The following ARL15 variants were observed in gnomAD, a reference collection of about 807,000 sequenced individuals.
ARL15 encodes the protein ADP-ribosylation factor-like protein 15.
In ARL15, 19 loss-of-function variants were observed where a neutral mutation model predicts 25.2. The ratio of observed to expected loss-of-function variants is 0.75; its 90% CI spans 0.53 to 1.10. The LOEUF (loss-of-function observed/expected upper bound fraction) is 1.10, where lower values mean the gene tolerates loss of function less well. Among genes scored for constraint, ARL15 ranks in the 50% least tolerant of loss-of-function variants. The pLI, the probability that ARL15 is intolerant of heterozygous loss-of-function variation, is 0.00. For missense variants in ARL15, 220 were observed against 246.0 expected (o/e 0.89, Z 0.71); for synonymous variants, 94 against 86.8 (o/e 1.08, Z -0.46).
intron 1 of ARL15, among the ~76,000 whole-genome samples, chr5:54,180,974 A>G (rs1223344535): frequency 6.6e-6 from 1 of 152,284 alleles, no homozygotes; most frequent in Non-Finnish European, 1.5e-5. Flanking sequence ...CGTGGCTCCC[A>G]GTCTGCATCA....
chr5:53,890,050 C>A (rs956322841), intron 4 of ARL15, among the ~76,000 whole-genome samples: 1 of 152,106 alleles, frequency 6.6e-6, no homozygotes, highest in African/African-American at 2.4e-5. Flanking sequence ...GACCTCAGGA[C>A]AATCTGCCCA....
At chr5:54,305,487 C>T (rs1758733307) in intron 1 of ARL15, among the ~76,000 whole-genome samples, 1 of 151,986 alleles carries the variant, frequency 6.6e-6, no homozygotes, top group African/African-American at 2.4e-5. Flanking sequence ...AATAAAAAAT[C>T]CCCAACACGG....
intron 3 of ARL15, among the ~76,000 whole-genome samples, chr5:54,134,510 T>C (rs1753535794): frequency 6.6e-6 from 1 of 151,816 alleles, no homozygotes; most frequent in East Asian, 1.9e-4. Context: ...CATTACAGTT[T>C]TATAATTACA....
intron 1 of ARL15, among the ~76,000 whole-genome samples, chr5:54,279,398 G>A (rs1039429901): frequency 6.6e-5 from 10 of 152,120 alleles, no homozygotes; most frequent in African/African-American, 2.4e-4. Context: ...TTTCTGTTGA[G>A]GGATCTCTTC....
intron 1 of ARL15, among the ~76,000 whole-genome samples, chr5:54,272,689 T>C (rs965614807): frequency 6.6e-6 from 1 of 152,236 alleles, no homozygotes; most frequent in African/African-American, 2.4e-5. Context: ...ATGATCCTCA[T>C]GTAGCTAAAC....
At chr5:53,925,997 C>CTT (rs70986651) in intron 4 of ARL15, among the ~76,000 whole-genome samples, 40 of 122,596 alleles carry the variant, frequency 3.3e-4, no homozygotes, top group Admixed American at 6.0e-4. Flanking sequence ...TTTTTTCTTT[C>CTT]TTTTTTTTTT....
intron 1 of ARL15, among the ~76,000 whole-genome samples, chr5:54,295,754 G>A (rs1038871370): frequency 1.3e-5 from 2 of 152,074 alleles, no homozygotes; most frequent in Admixed American, 6.6e-5. Context: ...GGAAACATTC[G>A]AAATGACCAA....
At chr5:53,914,429 C>T (rs1044109784) in intron 4 of ARL15, among the ~76,000 whole-genome samples, 6 of 152,220 alleles carry the variant, frequency 3.9e-5, no homozygotes, top group Non-Finnish European at 8.8e-5. Flanking sequence ...TACTTATCCA[C>T]CTGATGCATT....
intron 3 of ARL15, among the ~76,000 whole-genome samples, chr5:54,114,424 C>CAAAAAAAAAAAAAAAAAAAAAAAAAAAAA (rs1378276588): frequency 3.1e-5 from 1 of 32,210 alleles, no homozygotes. Context: ...AAAAAAAAAG[C>CAAAAAAAAAAAAAAAAAAAAAAAAAAAAA]AACACCACAT....
intron 1 of ARL15, among the ~76,000 whole-genome samples, chr5:54,297,984 T>G (rs952402328): frequency 1.3e-5 from 2 of 152,142 alleles, no homozygotes; most frequent in African/African-American, 4.8e-5. Context: ...GGTTTCACCG[T>G]GTTAGCCAGG....
chr5:54,122,042 T>C (rs1753095100), intron 3 of ARL15, among the ~76,000 whole-genome samples: 1 of 152,216 alleles, frequency 6.6e-6, no homozygotes, highest in South Asian at 2.1e-4. Context: ...TACCAGATGC[T>C]GAACAAAAGA....
chr5:54,192,479 T>C lies in ARL15; in HGVS notation c.49-20551A>G, dbSNP rs1023632224. Among the ~76,000 whole-genome samples, 15 of 152,022 alleles carry C rather than the reference T, an allele frequency of 9.9e-5. 1 individual carries two copies. The highest frequency in any genetic ancestry group is 3.4e-4 in the African/African-American group (14 of 41,418). ...GAATTATTTCCTAACCTTTTATCAT[T>C]GGACAGAGGTTGATGGAATTCTATA... On this transcript the variant is annotated intron_variant, in intron 1 of 4. Transcript: ENST00000504924.
intron 1 of ARL15, among the ~76,000 whole-genome samples, chr5:54,272,470 C>A (rs549878197): frequency 1.3e-4 from 20 of 152,122 alleles, no homozygotes; most frequent in African/African-American, 4.3e-4. Flanking sequence ...ATGTACAATT[C>A]CTAGGGTGGA....
chr5:54,145,617 T>C (rs929138661), intron 3 of ARL15, among the ~76,000 whole-genome samples: 3 of 152,052 alleles, frequency 2.0e-5, no homozygotes, highest in African/African-American at 7.2e-5. Context: ...ATGGTGTGTG[T>C]GTGTGTGTGC....
intron 3 of ARL15, among the ~76,000 whole-genome samples, chr5:54,145,098 A>G (rs1753867993): frequency 6.6e-6 from 1 of 152,182 alleles, no homozygotes; most frequent in South Asian, 2.1e-4. Context: ...TTCATAAAAT[A>G]GAATTTTGGC....
intron 4 of ARL15, among the ~76,000 whole-genome samples, chr5:54,094,649 T>C (rs1007821831): frequency 6.6e-6 from 1 of 152,228 alleles, no homozygotes; most frequent in African/African-American, 2.4e-5. Flanking sequence ...TAAAAGAGAA[T>C]TACTATCACT....
chr5:54,184,649 A>G (rs1395325592), intron 1 of ARL15, among the ~76,000 whole-genome samples: 2 of 151,196 alleles, frequency 1.3e-5, no homozygotes, highest in Non-Finnish European at 2.9e-5. Flanking sequence ...AACAAACCAA[A>G]ATTGTTTTTC....
chr5:54,214,293 T>C (rs1756123578), intron 1 of ARL15, among the ~76,000 whole-genome samples: 1 of 152,220 alleles, frequency 6.6e-6, no homozygotes, highest in African/African-American at 2.4e-5. Context: ...GTAAAAATTC[T>C]GCAAAGATTC....
chr5:54,000,699 T>A (rs1018393727), intron 4 of ARL15, among the ~76,000 whole-genome samples: 1 of 152,130 alleles, frequency 6.6e-6, no homozygotes. Flanking sequence ...TAAGAAATAA[T>A]CCCTGTCCCT....
Sources: gnomAD v4.1 joint callset for allele counts (sites outside exome capture counted in the v4.1 genomes callset) on GRCh38, gnomAD v4.1.1 for gene constraint, MANE v1.5 for transcripts, NCBI Gene and HGNC (gene_info 2026-07-23, HGNC 2026-07-21) for gene names.